The following PTPRD variants were observed in gnomAD, a reference collection of about 807,000 sequenced individuals.
The protein encoded by PTPRD is receptor-type tyrosine-protein phosphatase delta.
In PTPRD, 34 loss-of-function variants were observed where a neutral mutation model predicts 214.5. That is an observed-to-expected ratio of 0.16 (90% CI 0.12 to 0.21). The LOEUF (loss-of-function observed/expected upper bound fraction) is 0.21, where lower values mean the gene tolerates loss of function less well. PTPRD is among the 10% of genes least tolerant of loss of function. PTPRD has a pLI of 1.00. For missense variants in PTPRD, 2,545 were observed against 2,398.7 expected (o/e 1.06, Z -1.27); for synonymous variants, 1,128 against 845.7 (o/e 1.33, Z -5.79).
rs1251796616 is a variant in PTPRD at position 10,418,189 on chromosome 9, C to T, written c.-599-77172G>A. Among the ~76,000 whole-genome samples, 3 of 151,864 alleles carry T rather than the reference C, an allele frequency of 2.0e-5. No homozygotes were observed. The East Asian group carries it at 5.9e-4, about 30-fold the overall frequency. ...AATTATAAACCTTTGAATTTCTTCA[C>T]TGACAAAAGCATTCAATCTATTAAT... On this transcript the variant is annotated intron_variant, in intron 2 of 45. Transcript: ENST00000381196.
intron 3 of PTPRD, among the ~76,000 whole-genome samples, chr9:10,101,444 C>T (rs560543766): frequency 1.3e-5 from 2 of 151,676 alleles, no homozygotes; most frequent in South Asian, 2.1e-4. Flanking sequence ...AGTTTCTCAC[C>T]TTCCATCCTC....
intron 10 of PTPRD, among the ~76,000 whole-genome samples, chr9:9,108,888 C>T (rs1428797431): frequency 6.6e-6 from 1 of 152,146 alleles, no homozygotes; most frequent in Admixed American, 6.6e-5. Flanking sequence ...ATTAGCATGC[C>T]TCTGTCATTC....
At chr9:9,656,037 A>G (rs2096503843) in intron 7 of PTPRD, among the ~76,000 whole-genome samples, 1 of 152,224 alleles carries the variant, frequency 6.6e-6, no homozygotes, top group Non-Finnish European at 1.5e-5. Context: ...TCAACATCAT[A>G]TGACATTAAG....
intron 12 of PTPRD, among the ~76,000 whole-genome samples, chr9:8,674,559 G>A (rs1211170450): frequency 6.6e-6 from 1 of 150,500 alleles, no homozygotes; most frequent in Non-Finnish European, 1.5e-5. Flanking sequence ...AATTAGTTCT[G>A]CTACTTTACT....
intron 14 of PTPRD, among the ~76,000 whole-genome samples, chr9:8,547,874 G>A (rs1251346738): frequency 6.6e-6 from 1 of 152,116 alleles, no homozygotes; most frequent in Non-Finnish European, 1.5e-5. Flanking sequence ...AAATAGCAGT[G>A]TATTATTTGT....
intron 3 of PTPRD, among the ~76,000 whole-genome samples, chr9:10,129,080 A>C (rs2098839943): frequency 6.6e-6 from 1 of 152,222 alleles, no homozygotes; most frequent in South Asian, 2.1e-4. Flanking sequence ...TTCCAATGTA[A>C]CAAATAATGT....
intron 5 of PTPRD, among the ~76,000 whole-genome samples, chr9:9,897,592 T>C (rs992435787): frequency 6.6e-6 from 1 of 152,102 alleles, no homozygotes; most frequent in East Asian, 1.9e-4. Context: ...TACTTTATTG[T>C]AAAATAAGCT....
chr9:10,450,167 A>C (rs972158537), intron 2 of PTPRD, among the ~76,000 whole-genome samples: 12 of 151,778 alleles, frequency 7.9e-5, no homozygotes, highest in Admixed American at 2.0e-4. Flanking sequence ...TTATCTGATG[A>C]CCTTCCCTCC....
chr9:10,350,638 T>C (rs965736865), intron 2 of PTPRD, among the ~76,000 whole-genome samples: 2 of 152,128 alleles, frequency 1.3e-5, no homozygotes, highest in African/African-American at 4.8e-5. Flanking sequence ...GGATCTTGGT[T>C]AGTGGTCAAA....
chr9:8,332,363 C>G (rs1789297081), intron 43 of PTPRD, among the ~76,000 whole-genome samples: 1 of 152,090 alleles, frequency 6.6e-6, no homozygotes, highest in Non-Finnish European at 1.5e-5. Context: ...CATTTCTAGC[C>G]ATGGCAGGGG....
chr9:9,001,171 G>A (rs533449435), intron 11 of PTPRD, among the ~76,000 whole-genome samples: 2 of 151,938 alleles, frequency 1.3e-5, no homozygotes, highest in Non-Finnish European at 2.9e-5. Context: ...ATAATCAACA[G>A]AAACGAATTT....
intron 6 of PTPRD, among the ~76,000 whole-genome samples, chr9:9,758,174 C>A (rs565917077): frequency 1.5e-5 from 2 of 130,216 alleles, no homozygotes; most frequent in Non-Finnish European, 3.2e-5. Flanking sequence ...TTGTATTCTC[C>A]CTTAGCAGAC....
chr9:9,051,895 A>G (rs1376686001), intron 10 of PTPRD, among the ~76,000 whole-genome samples: 1 of 152,244 alleles, frequency 6.6e-6, no homozygotes, highest in Non-Finnish European at 1.5e-5. Context: ...TATTGCTACA[A>G]AACAACATCA....
At chr9:9,801,209 G>T (rs182891673) in intron 5 of PTPRD, among the ~76,000 whole-genome samples, 1 of 151,772 alleles carries the variant, frequency 6.6e-6, no homozygotes, top group East Asian at 1.9e-4. Flanking sequence ...ATTAGTACCC[G>T]GTATACATTC....
At chr9:9,122,608 C>A (rs1340665770) in intron 10 of PTPRD, among the ~76,000 whole-genome samples, 1 of 152,134 alleles carries the variant, frequency 6.6e-6, no homozygotes, top group Non-Finnish European at 1.5e-5. Context: ...TCTAAGTGTC[C>A]TCCCATCTTG....
intron 5 of PTPRD, among the ~76,000 whole-genome samples, chr9:9,829,655 C>G (rs1047327555): frequency 2.0e-5 from 3 of 151,812 alleles, no homozygotes; most frequent in Non-Finnish European, 4.4e-5. Context: ...ACCAAAACCA[C>G]TACATTAAAT....
chr9:9,583,004 T>C (rs2091166330), intron 7 of PTPRD, among the ~76,000 whole-genome samples: 1 of 152,052 alleles, frequency 6.6e-6, no homozygotes, highest in Admixed American at 6.6e-5. Context: ...AAATATGTGA[T>C]TAAAAATATC....
At chr9:10,568,488 G>A (rs1265104915) in intron 2 of PTPRD, among the ~76,000 whole-genome samples, 2 of 152,026 alleles carry the variant, frequency 1.3e-5, no homozygotes, top group South Asian at 2.1e-4. Context: ...ACCCAGTAAT[G>A]GGATGGCTGG....
chr9:9,503,819 C>T (rs962468244), intron 8 of PTPRD, among the ~76,000 whole-genome samples: 18 of 151,660 alleles, frequency 1.2e-4, no homozygotes, highest in African/African-American at 4.4e-4. Flanking sequence ...GTATGCCTAT[C>T]ACAGAAGACT....
Sources: allele counts gnomAD v4.1 joint callset (sites outside exome capture counted in the v4.1 genomes callset), GRCh38; gene constraint gnomAD v4.1.1; transcripts MANE v1.5; gene names NCBI Gene and HGNC (gene_info 2026-07-23, HGNC 2026-07-21).